The following IMPDH2 variants were observed in gnomAD, a reference collection of about 807,000 sequenced individuals.
IMPDH2 encodes inosine-5'-monophosphate dehydrogenase 2.
In IMPDH2, 33 loss-of-function variants were observed where a neutral mutation model predicts 57.8. The observed-to-expected ratio is 0.57, with a 90% confidence interval of 0.43 to 0.76. IMPDH2 has a LOEUF of 0.76. IMPDH2 is among the 30% of genes least tolerant of loss of function. IMPDH2 has a pLI of 0.00. For missense variants in IMPDH2, 446 were observed against 659.1 expected, an observed-to-expected ratio of 0.68 and a Z score of 3.54; for synonymous variants, 270 against 241.3, an observed-to-expected ratio of 1.12 and a Z score of -1.10.
At position 49,028,335 on chromosome 3, in the gene IMPDH2, A is replaced by G. The variant is rs1434596911; in HGVS notation, c.250-13T>C. 3 of 1,613,166 alleles carry G rather than the reference A, an allele frequency of 1.9e-6. No individual in the cohort carries two copies. The Admixed American group carries it at 5.0e-5, about 27-fold the overall frequency. On this transcript the variant is annotated splice_polypyrimidine_tract_variant and intron_variant, in intron 3 of 13. Coordinates refer to ENST00000326739, the MANE Select transcript of IMPDH2 (RefSeq NM_000884.3). Reference sequence around the variant, plus strand: ...TACCGCCTGTAAGCTACAGGATAAAAAGAGACTACTACTAAGTGACAAGAA... The same window carrying G: ...TACCGCCTGTAAGCTACAGGATAAAGAGAGACTACTACTAAGTGACAAGAA...
In IMPDH2 at chr3:49,028,533, C is replaced by T; in HGVS notation, c.148-1G>A. On this transcript the variant is annotated splice_acceptor_variant, in intron 2 of 13. Transcript: ENST00000326739. LOFTEE classifies it high-confidence loss of function. ...TCTTGGTCAGAGCAGAAGTCAGGTC[C>T]TGAGGAGACAAACGTCAACCAGTGT... 6.2e-7 allele frequency: 1 copy of T among 1,610,730 alleles called. No individual in the cohort carries two copies. Among genetic ancestry groups the T allele is most frequent in the Non-Finnish European group, 8.5e-7 (1 of 1,177,012 alleles).
intron 1 of IMPDH2, 102 bp from the exon 2 acceptor site, chr3:49,028,908 A>G: frequency 1.1e-6 from 1 of 925,068 alleles, no homozygotes; most frequent in South Asian, 1.4e-5. Context: ...GTGAGCAGAG[A>G]GTGGCACTGA....
At chr3:49,028,632 T>C in intron 2 of IMPDH2, 100 bp from the exon 3 acceptor site, 1 of 1,303,490 alleles carries the variant, frequency 7.7e-7, no homozygotes, top group Non-Finnish European at 1.1e-6. Context: ...ACCTGCATGC[T>C]AACAAGCAAC....
Position 49,026,500 on chromosome 3 carries a change from G to C in IMPDH2, c.910+19C>G. On this transcript the variant is annotated intron_variant, in intron 8 of 13. Transcript: ENST00000326739. ...ACCCACTCCCACCACACATCCTTCAGGGCACAATCTTGCCTTACCATTGCC... is the reference window on the plus strand; with the variant it reads ...ACCCACTCCCACCACACATCCTTCACGGCACAATCTTGCCTTACCATTGCC... The C allele has an allele frequency of 2.5e-6, 4 of 1,607,950 alleles. No individual in the cohort carries two copies. The highest frequency in any genetic ancestry group is 3.4e-6 in the Non-Finnish European group (4 of 1,174,318).
Position 49,026,547 on chromosome 3 carries a change from G to C in IMPDH2, c.882C>G (p.Tyr294Ter). 1 of 1,613,760 alleles carries C rather than the reference G, an allele frequency of 6.2e-7. No homozygotes were observed. The highest frequency in any genetic ancestry group is 1.1e-5 in the South Asian group (1 of 91,084). The change falls in exon 8 of 14, where the codon TAC becomes TAG. Residue 294 changes from tyrosine to a stop codon, truncating the protein, a stop_gained. Transcript: ENST00000326739. LOFTEE classifies it high-confidence loss of function. ...TGCCTCCAATGACTTGGAGATTAGG[G>C]TATTTGTCTTTGATGTACTTGATCA... ...INMIKYIKDK[Y>*]PNLQVIGGNV...
chr3:49,028,162 T>C, intron 4 of IMPDH2, 86 bp downstream of exon 4: 1 of 1,131,154 alleles, frequency 8.8e-7, no homozygotes, highest in South Asian at 1.2e-5. Flanking sequence ...GAAAGAATAC[T>C]AAATTAGAAT....
In IMPDH2 at chr3:49,029,162, A is replaced by C. The variant is rs72639213; in HGVS notation, c.98+91T>G. On this transcript the variant is annotated intron_variant, in intron 1 of 13. Transcript: ENST00000326739. ...TTCCCGAAACCTGTCCCCCACGCCC[A>C]CGCCCAAGGCGGCTCTCGGAAGCCC... 1.9e-3 allele frequency: 2,006 copies of C among 1,073,490 alleles called. 25 individuals are homozygous for C. In the African/African-American group the frequency reaches 0.027, roughly 15 times the overall value. The allele number at this position is 1,073,490 out of a possible 1,614,324, so 66.5% of individuals were successfully genotyped here. A position where few individuals can be genotyped will look rare whatever the true frequency, so the allele number is the denominator to read the frequency against.
intron 4 of IMPDH2, 105 bp from the exon 5 acceptor site, chr3:49,028,021 A>G: frequency 2.1e-6 from 2 of 944,390 alleles, no homozygotes; most frequent in Non-Finnish European, 3.3e-6. Flanking sequence ...TGGCAGTGCC[A>G]CAAGACCAAA....
At chr3:49,029,226 G>T in intron 1 of IMPDH2, 27 bp downstream of exon 1, 2 of 1,545,958 alleles carry the variant, frequency 1.3e-6, no homozygotes, top group Non-Finnish European at 8.8e-7. Flanking sequence ...CCCTCTCTTC[G>T]CCCAGGTGAG....
rs770476213 is a variant in IMPDH2, at chr3:49,028,331, TAA to T, written c.250-11_250-10del. On this transcript the variant is annotated splice_polypyrimidine_tract_variant and intron_variant, in intron 3 of 13. Coordinates refer to ENST00000326739, the MANE Select transcript of IMPDH2 (RefSeq NM_000884.3). ...CCAATACCGCCTGTAAGCTACAGGA[TAA>T]AAAGAGACTACTACTAAGTGACAAG... 9 of 1,613,316 alleles carry T rather than the reference TAA, an allele frequency of 5.6e-6. No individual in the cohort carries two copies. The highest frequency in any genetic ancestry group is 1.6e-4 in the Middle Eastern group (1 of 6,084).
chr3:49,026,795 G>A lies in IMPDH2; in HGVS notation c.711C>T (p.Ser237=). ...ACAGCAGCTGTTTCTTGGCATCTTT[G>A]GAGGCTAGTGGGTAGTCCCGATTCT... is the stretch of plus-strand genomic sequence containing the variant. ...LKKNRDYPLA[S]KDAKKQLLCG... The change falls in exon 7 of 14, where the codon TCC becomes TCT. Residue 237 remains serine, a synonymous_variant. Coordinates refer to ENST00000326739, the MANE Select transcript of IMPDH2 (RefSeq NM_000884.3). The A allele has an allele frequency of 6.2e-7, 1 of 1,614,218 alleles. No homozygotes were observed. The highest frequency in any genetic ancestry group is 2.2e-5 in the East Asian group (1 of 44,886).
At chr3:49,028,598 C>T in intron 2 of IMPDH2, 66 bp from the exon 3 acceptor site, 1 of 1,442,188 alleles carries the variant, frequency 6.9e-7, no homozygotes, top group East Asian at 2.3e-5. Flanking sequence ...TACTGAGTCC[C>T]CCACAAAAAG....
intron 5 of IMPDH2, among the ~76,000 whole-genome samples, chr3:49,027,267 TAC>T (rs533010230): frequency 1.6e-3 from 243 of 152,314 alleles, no homozygotes; most frequent in African/African-American, 5.6e-3. Flanking sequence ...GTACTGAGAT[TAC>T]AGGGGTGAAG....
rs368579282 is a variant in IMPDH2 at position 49,028,649 on chromosome 3, C to T, written c.147+109G>A. 1.9e-5 allele frequency: 25 copies of T among 1,325,616 alleles called. No homozygotes were observed. The South Asian group carries it at 2.7e-4, about 14-fold the overall frequency. The allele number at this position is 1,325,616 out of a possible 1,614,324, so 82.1% of individuals were successfully genotyped here. Reference sequence around the variant, plus strand: ...CTGCATGCTAACAAGCAACATGATCCTATAAAATCCACCCCCAAGCCCAAT... The same window carrying T: ...CTGCATGCTAACAAGCAACATGATCTTATAAAATCCACCCCCAAGCCCAAT... On this transcript the variant is annotated intron_variant, in intron 2 of 13. Transcript: ENST00000326739.
At chr3:49,027,136 AG>A in intron 5 of IMPDH2, 89 bp from the exon 6 acceptor site, 1 of 999,248 alleles carries the variant, frequency 1.0e-6, no homozygotes, top group South Asian at 1.3e-5. Context: ...CTGAGCTCAG[AG>A]GCACGCGCCA....
At position 49,029,359 on chromosome 3, in the gene IMPDH2, CA is replaced by C; in HGVS notation, c.-10del. On this transcript the variant is annotated 5_prime_UTR_variant, in exon 1 of 14. Coordinates refer to ENST00000326739, the MANE Select transcript of IMPDH2 (RefSeq NM_000884.3). ...ATCAGGTAGTCGGCCATGGCCAACA[CA>C]GGACACCGCCGCGTGTCTCCGAGGA... The C allele has an allele frequency of 6.4e-7, 1 of 1,569,666 alleles. No individual in the cohort carries two copies. The highest frequency in any genetic ancestry group is 8.7e-7 in the Non-Finnish European group (1 of 1,152,618).
intron 8 of IMPDH2, 23 bp from the exon 9 acceptor site, chr3:49,026,442 G>A (rs1368445457): frequency 4.4e-6 from 7 of 1,608,760 alleles, no homozygotes; most frequent in Non-Finnish European, 6.0e-6. Flanking sequence ...AAAGGAAAAT[G>A]CTCATGTGAA....
chr3:49,028,065 T>C (rs2093206928), intron 4 of IMPDH2, 149 bp from the exon 5 acceptor site: 2 of 785,728 alleles, frequency 2.5e-6, no homozygotes, highest in Admixed American at 4.2e-5. Flanking sequence ...ATGGGTAGGC[T>C]GGAGGCACTG....
intron 9 of IMPDH2, chr3:49,025,918 C>T (rs377400874): frequency 2.6e-5 from 12 of 459,560 alleles, no homozygotes; most frequent in Admixed American, 7.0e-5. Context: ...CCACAAACCC[C>T]GGGAGCTACA....
Sources: gnomAD v4.1 joint callset for allele counts (sites outside exome capture counted in the v4.1 genomes callset) on GRCh38, gnomAD v4.1.1 for gene constraint, MANE v1.5 for transcripts, NCBI Gene and HGNC (gene_info 2026-07-23, HGNC 2026-07-21) for gene names.